Variants in ASIC2 observed in about 807,000 individuals in gnomAD.
The protein encoded by ASIC2 is acid-sensing ion channel 2.
In ASIC2, 25 loss-of-function variants were observed where a neutral mutation model predicts 57.3. The ratio of observed to expected loss-of-function variants is 0.44; its 90% confidence interval spans 0.32 to 0.61. ASIC2 has a LOEUF of 0.61. Among genes scored for constraint, ASIC2 ranks in the 20% least tolerant of loss-of-function variants. ASIC2 has a pLI of 0.06. For synonymous variants in ASIC2, 319 were observed against 307.5 expected (o/e 1.04, Z -0.39); for missense variants, 641 against 738.1 (o/e 0.87, Z 1.52).
At chr17:33,349,300 T>G (rs567961019) in intron 1 of ASIC2, among the ~76,000 whole-genome samples, 103 of 152,312 alleles carry the variant, frequency 6.8e-4, no homozygotes, top group African/African-American at 2.1e-3. Context: ...AAAACATGTG[T>G]GAGGGTTGAA....
intron 1 of ASIC2, among the ~76,000 whole-genome samples, chr17:33,480,095 T>C (rs1913354822): frequency 6.6e-6 from 1 of 152,206 alleles, no homozygotes; most frequent in African/African-American, 2.4e-5. Flanking sequence ...TCTCAATCTT[T>C]TGAGGCATAT....
intron 1 of ASIC2, chr17:34,001,971 T>TA (rs1906360395): frequency 6.6e-6 from 1 of 152,256 alleles, no homozygotes; most frequent in African/African-American, 2.4e-5. Context: ...GTTTTACTTT[T>TA]ATTTATTAAA....
At chr17:33,558,736 C>T (rs1915983506) in intron 1 of ASIC2, among the ~76,000 whole-genome samples, 1 of 152,056 alleles carries the variant, frequency 6.6e-6, no homozygotes, top group Non-Finnish European at 1.5e-5. Flanking sequence ...TGCTTATAAA[C>T]ATTGGTAGCT....
chr17:33,438,551 A>T (rs1911708736), intron 1 of ASIC2, among the ~76,000 whole-genome samples: 1 of 152,098 alleles, frequency 6.6e-6, no homozygotes, highest in East Asian at 1.9e-4. Context: ...TTTGTTGAAC[A>T]CATTGAGCTA....
chr17:33,248,292 G>C (rs1908762605), intron 1 of ASIC2, among the ~76,000 whole-genome samples: 1 of 152,096 alleles, frequency 6.6e-6, no homozygotes, highest in Non-Finnish European at 1.5e-5. Context: ...AGTGTAGGTG[G>C]AGTGGCTGAG....
At chr17:33,792,504 CAG>C (rs1443276140) in intron 1 of ASIC2, 4 of 152,138 alleles carry the variant, frequency 2.6e-5, no homozygotes, top group African/African-American at 9.7e-5. Context: ...GGTCAAAATA[CAG>C]AGATTAATTA....
At chr17:33,680,184 A>G (rs1255652759) in intron 1 of ASIC2, among the ~76,000 whole-genome samples, 1 of 152,038 alleles carries the variant, frequency 6.6e-6, no homozygotes, top group Non-Finnish European at 1.5e-5. Flanking sequence ...CCTTCTCCCC[A>G]TTCTTTCTGG....
intron 1 of ASIC2, among the ~76,000 whole-genome samples, chr17:33,444,646 G>C (rs753227246): frequency 8.3e-4 from 104 of 125,318 alleles, no homozygotes; most frequent in Non-Finnish European, 1.5e-3. Context: ...GATAGGACAG[G>C]TTAGGACAGG....
chr17:33,518,772 G>T (rs1914647732), intron 1 of ASIC2, among the ~76,000 whole-genome samples: 1 of 151,918 alleles, frequency 6.6e-6, no homozygotes, highest in Admixed American at 6.6e-5. Flanking sequence ...GTTCTTAAAT[G>T]CTTTGGACAC....
At chr17:33,129,813 C>T (rs1005498763) in intron 1 of ASIC2, among the ~76,000 whole-genome samples, 1 of 152,154 alleles carries the variant, frequency 6.6e-6, no homozygotes, top group Non-Finnish European at 1.5e-5. Context: ...GGGACCTGAG[C>T]TTTGGGTTAG....
chr17:33,801,154 A>T (rs1312949674), intron 1 of ASIC2, among the ~76,000 whole-genome samples: 3 of 152,198 alleles, frequency 2.0e-5, no homozygotes, highest in Non-Finnish European at 4.4e-5. Flanking sequence ...AGCTGGTATC[A>T]TTCACTCACA....
At position 33,374,569 on chromosome 17, in the gene ASIC2, G is replaced by A. The variant is rs116331938; in HGVS notation, c.556-262502C>T. On this transcript the variant is annotated intron_variant, in intron 1 of 9. Coordinates refer to the ASIC2 transcript ENST00000359872. ...TAACTCCCTGTCCTACATGGTTGGCGTTATGTCAATTAAACTCTTTCTTTA... is the reference window on the plus strand; with the variant it reads ...TAACTCCCTGTCCTACATGGTTGGCATTATGTCAATTAAACTCTTTCTTTA... 2.5e-4 allele frequency among the ~76,000 whole-genome samples: 38 copies of A among 152,310 alleles called. 1 individual carries two copies. Among genetic ancestry groups the A allele is most frequent in the African/African-American group, 8.2e-4 (34 of 41,562 alleles).
chr17:34,125,283 G>A (rs1016692002), intron 1 of ASIC2, among the ~76,000 whole-genome samples: 30 of 152,044 alleles, frequency 2.0e-4, no homozygotes, highest in African/African-American at 7.0e-4. Context: ...ACCCAGCACA[G>A]GTCCTGGCAC....
intron 1 of ASIC2, among the ~76,000 whole-genome samples, chr17:33,728,527 T>G (rs995015118): frequency 2.0e-5 from 3 of 152,208 alleles, no homozygotes; most frequent in African/African-American, 7.2e-5. Context: ...TATTTATCGG[T>G]CTGACCTTTC....
intron 1 of ASIC2, among the ~76,000 whole-genome samples, chr17:33,343,987 C>A (rs553741931): frequency 6.6e-6 from 1 of 152,200 alleles, no homozygotes; most frequent in Admixed American, 6.5e-5. Context: ...CTCTTCGAAG[C>A]CTTCCCAGAT....
intron 1 of ASIC2, among the ~76,000 whole-genome samples, chr17:33,129,217 G>A (rs1405713734): frequency 2.0e-5 from 3 of 152,172 alleles, no homozygotes; most frequent in Non-Finnish European, 2.9e-5. Context: ...CACCTCTCAC[G>A]GCAAACCCCT....
At chr17:33,506,412 CA>C (rs71144886) in intron 1 of ASIC2, among the ~76,000 whole-genome samples, 887 of 66,856 alleles carry the variant, frequency 0.013, 4 homozygotes, top group African/African-American at 0.031. Context: ...GACTCCGTCT[CA>C]AAAAAAAAAA....
Position 33,702,422 on chromosome 17 carries a change from G to A in ASIC2, c.555+453556C>T, listed in dbSNP as rs75027870. The stretch of plus-strand genomic sequence containing the variant: ...AAAACGTGAAATCTCTTAATCCTCA[G>A]CTAGGATAGTTCACTACAACTTGAA... On this transcript the variant is annotated intron_variant, in intron 1 of 9. Coordinates refer to the ASIC2 transcript ENST00000359872. Among the ~76,000 whole-genome samples the A allele has an allele frequency of 5.0e-3, 759 of 152,298 alleles. 3 individuals are homozygous for A. Among genetic ancestry groups the A allele is most frequent in the African/African-American group, 0.017 (716 of 41,570 alleles).
In ASIC2 at chr17:33,229,634, T is replaced by C. The variant is rs1244273972; in HGVS notation, c.708+61774A>G. ...GAGGGGAACAGGGTGAGCACACACA[T>C]GGAGACATGAAACGGTACAGCTCAT... is the stretch of plus-strand genomic sequence containing the variant. On this transcript the variant is annotated intron_variant, in intron 1 of 9. Transcript: ENST00000225823. Among the ~76,000 whole-genome samples, 8 of 152,184 alleles carry C rather than the reference T, an allele frequency of 5.3e-5. No homozygotes were observed. The East Asian group carries it at 1.3e-3, about 26-fold the overall frequency.
Sources: allele counts gnomAD v4.1 joint callset (sites outside exome capture counted in the v4.1 genomes callset), GRCh38; gene constraint gnomAD v4.1.1; transcripts MANE v1.5; gene names NCBI Gene and HGNC (gene_info 2026-07-23, HGNC 2026-07-21).